PPP4R4: variants seen among roughly 807,000 people sequenced by gnomAD.
PPP4R4 encodes the protein protein phosphatase 4 regulatory subunit 4, also known as serine/threonine-protein phosphatase 4 regulatory subunit 4.
A neutral mutation model predicts 121.8 loss-of-function variants in PPP4R4; 70 were observed. The ratio of observed to expected loss-of-function variants is 0.57; its 90% CI spans 0.47 to 0.70. The LOEUF (loss-of-function observed/expected upper bound fraction) is 0.70, where lower values mean the gene tolerates loss of function less well. Among genes scored for constraint, PPP4R4 ranks in the 30% least tolerant of loss-of-function variants. The pLI, the probability that PPP4R4 is intolerant of heterozygous loss-of-function variation, is 0.00. For synonymous variants in PPP4R4, 348 were observed against 355.7 expected (o/e 0.98, Z 0.24); for missense variants, 875 against 1,033.6 (o/e 0.85, Z 2.10).
At chr14:94,195,058 G>A (rs1889797780) in intron 2 of PPP4R4, among the ~76,000 whole-genome samples, 1 of 152,136 alleles carries the variant, frequency 6.6e-6, no homozygotes, top group Admixed American at 6.6e-5. Context: ...CAGAAGTTGT[G>A]AACATATGCA....
chr14:94,256,614 A>T lies in PPP4R4; in HGVS notation c.2010+10A>T. 6.3e-7 allele frequency: 1 copy of T among 1,584,516 alleles called. No homozygotes were observed. The highest frequency in any genetic ancestry group is 8.6e-7 in the Non-Finnish European group (1 of 1,163,834). On this transcript the variant is annotated intron_variant, in intron 17 of 24. Transcript: ENST00000304338. The stretch of plus-strand genomic sequence containing the variant: ...GGCTATTGTAAAAAGAGTAAGTATC[A>T]CTCTTGCCACAATGTTGCATTTTTT...
chr14:94,190,820 G>C (rs1255400876), intron 2 of PPP4R4, among the ~76,000 whole-genome samples: 3 of 150,326 alleles, frequency 2.0e-5, no homozygotes, highest in South Asian at 4.2e-4. Context: ...GACAGACTTT[G>C]ATAATATTCC....
At chr14:94,204,341 CT>C (rs1349934358) in intron 2 of PPP4R4, among the ~76,000 whole-genome samples, 3 of 151,784 alleles carry the variant, frequency 2.0e-5, no homozygotes, top group Admixed American at 2.0e-4. Flanking sequence ...AAAAGGCTGT[CT>C]TTTGTCTACT....
chr14:94,265,480 A>G lies in PPP4R4; in HGVS notation c.2284+7A>G. 1 of 1,591,918 alleles carries G rather than the reference A, an allele frequency of 6.3e-7. No homozygotes were observed. The highest frequency in any genetic ancestry group is 8.6e-7 in the Non-Finnish European group (1 of 1,160,450). ...TCTGTCACCCCATCGACAAGTAAGAAATAACTTCTTTTTATATCTTTTTGT... is the reference window on the plus strand; with the variant it reads ...TCTGTCACCCCATCGACAAGTAAGAGATAACTTCTTTTTATATCTTTTTGT... On this transcript the variant is annotated splice_region_variant and intron_variant, in intron 21 of 24. Transcript: ENST00000304338.
intron 8 of PPP4R4, among the ~76,000 whole-genome samples, chr14:94,239,958 G>A (rs528040464): frequency 2.0e-5 from 3 of 152,126 alleles, no homozygotes; most frequent in Non-Finnish European, 4.4e-5. Context: ...GCACCGAAAT[G>A]TAATGATAAT....
intron 2 of PPP4R4, among the ~76,000 whole-genome samples, chr14:94,185,194 G>T (rs1889201815): frequency 6.6e-6 from 1 of 152,104 alleles, no homozygotes; most frequent in Non-Finnish European, 1.5e-5. Context: ...GTGAGCCCAA[G>T]TTCCCTAATG....
chr14:94,267,544 C>T (rs76635658), intron 23 of PPP4R4, among the ~76,000 whole-genome samples: 639 of 152,194 alleles, frequency 4.2e-3, no homozygotes, highest in East Asian at 0.019. Flanking sequence ...ATAGATATGG[C>T]GGTGTTCCAA....
Position 94,258,739 on chromosome 14 carries a change from T to G in PPP4R4, c.2011-44T>G, listed in dbSNP as rs757987733. ...AGTTGCTGAGAAATGATTGGTTGTT[T>G]TAATTTAATTACTTTAGAATAATTT... On this transcript the variant is annotated intron_variant, in intron 17 of 24. Transcript: ENST00000304338. 16 of 1,392,148 alleles carry G rather than the reference T, an allele frequency of 1.1e-5. 1 individual carries two copies. Among genetic ancestry groups the G allele is most frequent in the Non-Finnish European group, 1.6e-5 (16 of 989,408 alleles). The allele number at this position is 1,392,148 out of a possible 1,614,324, so 86.2% of individuals were successfully genotyped here.
rs1330228709 is a variant in PPP4R4, at chr14:94,246,486, G to A, written c.1558G>A (p.Asp520Asn). ...YACLPHVISS[D>N]QIYYRFLQRM... ...CTGCCTGCCACATGTCATATCAAGCGATCAGATTTATTACCGTTTCTTACA... is the reference window on the plus strand; with the variant it reads ...CTGCCTGCCACATGTCATATCAAGCAATCAGATTTATTACCGTTTCTTACA... Residue 520 changes from aspartate (D) to asparagine (N), a missense_variant, in exon 14 of 25, where the codon GAT becomes AAT. By Grantham distance (23) the Asp-to-Asn change is conservative. Coordinates refer to ENST00000304338, the MANE Select transcript of PPP4R4 (RefSeq NM_058237.2). 5.0e-6 allele frequency: 8 copies of A among 1,613,996 alleles called. No homozygotes were observed. The highest frequency in any genetic ancestry group is 5.9e-6 in the Non-Finnish European group (7 of 1,179,908).
chr14:94,204,996 T>C (rs1890385699), intron 2 of PPP4R4, among the ~76,000 whole-genome samples: 1 of 152,196 alleles, frequency 6.6e-6, no homozygotes, highest in Admixed American at 6.5e-5. Flanking sequence ...TGGTATATAA[T>C]TCTTGCTAAA....
At chr14:94,216,084 C>T (rs1000450722) in intron 3 of PPP4R4, among the ~76,000 whole-genome samples, 2 of 152,254 alleles carry the variant, frequency 1.3e-5, no homozygotes, top group Non-Finnish European at 2.9e-5. Flanking sequence ...CGAACAGAAA[C>T]TTCTGAAATT....
chr14:94,234,640 G>A lies in PPP4R4; in HGVS notation c.702G>A (p.Arg234=), dbSNP rs2139544615. ...ATGAAGTTCGATCTTGTATGTGTCG[G>A]CAATTAGAAAATATAGCCCAGGGCA... ...VEYEVRSCMC[R]QLENIAQGIG... Residue 234 remains arginine (R), a synonymous_variant, in exon 7 of 25, where the codon CGG becomes CGA. Transcript: ENST00000304338. 1.2e-6 allele frequency: 2 copies of A among 1,602,718 alleles called. No individual in the cohort carries two copies. The highest frequency in any genetic ancestry group is 2.2e-5 in the East Asian group (1 of 44,700).
In PPP4R4 at chr14:94,202,954, G is replaced by C. The variant is rs1293295160; in HGVS notation, c.192-5510G>C. Among the ~76,000 whole-genome samples, 13 of 150,318 alleles carry C rather than the reference G, an allele frequency of 8.6e-5. No individual in the cohort carries two copies. The Admixed American group carries it at 8.6e-4, about 10-fold the overall frequency. On this transcript the variant is annotated intron_variant, in intron 2 of 24. Coordinates refer to ENST00000304338, the MANE Select transcript of PPP4R4 (RefSeq NM_058237.2). ...GCCGAGATTGCACCACTGCACTCCA[G>C]CCTGGTGACAGAGCCAGACTCCATC...
chr14:94,187,959 G>C (rs977880481), intron 2 of PPP4R4, among the ~76,000 whole-genome samples: 3 of 152,148 alleles, frequency 2.0e-5, no homozygotes, highest in African/African-American at 7.2e-5. Flanking sequence ...AGGTCATTCA[G>C]TTAAGGAAAT....
chr14:94,178,231 T>A (rs1237966889), intron 2 of PPP4R4, among the ~76,000 whole-genome samples: 1 of 152,188 alleles, frequency 6.6e-6, no homozygotes, highest in African/African-American at 2.4e-5. Context: ...TATTCCTTTT[T>A]TTCTAGTTTG....
In PPP4R4 at chr14:94,231,309, G is replaced by T; in HGVS notation, c.510G>T (p.Arg170=). The part of the protein sequence containing the change: ...VIEVLPKETL[R]HEILNPLVSK... ...AAGTATTGCCAAAAGAAACCCTACGGCATGAGGTAATACTTTCATGGGGGC... is the reference window on the plus strand; with the variant it reads ...AAGTATTGCCAAAAGAAACCCTACGTCATGAGGTAATACTTTCATGGGGGC... Residue 170 remains arginine (R), a synonymous_variant, in exon 5 of 25, where the codon CGG becomes CGT. Coordinates refer to ENST00000304338, the MANE Select transcript of PPP4R4 (RefSeq NM_058237.2). The T allele has an allele frequency of 6.2e-7, 1 of 1,607,878 alleles. No individual in the cohort carries two copies. Among genetic ancestry groups the T allele is most frequent in the East Asian group, 2.2e-5 (1 of 44,760 alleles).
At chr14:94,237,167 C>A (rs1892389960) in intron 7 of PPP4R4, among the ~76,000 whole-genome samples, 2 of 152,012 alleles carry the variant, frequency 1.3e-5, no homozygotes, top group Admixed American at 6.6e-5. Context: ...ATAATTTATA[C>A]CCTGAAATCT....
chr14:94,257,787 C>T (rs946853048), intron 17 of PPP4R4, among the ~76,000 whole-genome samples: 1 of 151,818 alleles, frequency 6.6e-6, no homozygotes, highest in Non-Finnish European at 1.5e-5. Context: ...ATTACTTTTC[C>T]AGAATAATTT....
At chr14:94,187,030 T>C (rs1269979707) in intron 2 of PPP4R4, among the ~76,000 whole-genome samples, 1 of 152,190 alleles carries the variant, frequency 6.6e-6, no homozygotes, top group Non-Finnish European at 1.5e-5. Context: ...ATATACTTTG[T>C]TAGGCCGAGC....
Sources: gnomAD v4.1 joint callset for allele counts (sites outside exome capture counted in the v4.1 genomes callset) on GRCh38, gnomAD v4.1.1 for gene constraint, MANE v1.5 for transcripts, NCBI Gene and HGNC (gene_info 2026-07-23, HGNC 2026-07-21) for gene names.